ZNF354A: variants seen among roughly 807,000 people sequenced by gnomAD.
The protein encoded by ZNF354A is zinc finger protein 354A, also known as epididymis luminal protein 104.
In ZNF354A, 25 loss-of-function variants were observed where a neutral mutation model predicts 53.3. The ratio of observed to expected loss-of-function variants is 0.47; its 90% CI spans 0.34 to 0.66. The LOEUF (loss-of-function observed/expected upper bound fraction) is 0.66, where lower values mean the gene tolerates loss of function less well. Among genes scored for constraint, ZNF354A ranks in the 30% least tolerant of loss-of-function variants. The probability of loss-of-function intolerance (pLI) is 0.01; values close to 1 mark genes in which losing one functional copy is unlikely to be tolerated. For synonymous variants in ZNF354A, 228 were observed against 249.0 expected, an observed-to-expected ratio of 0.92 and a Z score of 0.79; for missense variants, 586 against 716.8, an observed-to-expected ratio of 0.82 and a Z score of 2.08.
intron 4 of ZNF354A, among the ~76,000 whole-genome samples, chr5:178,723,003 T>C (rs536556902): frequency 6.6e-6 from 1 of 152,266 alleles, no homozygotes; most frequent in African/African-American, 2.4e-5. Context: ...GGGGGCCTGC[T>C]TGGCGCCCCC....
chr5:178,715,350 CTCT>C (rs1765692312), intron 4 of ZNF354A, among the ~76,000 whole-genome samples: 1 of 152,096 alleles, frequency 6.6e-6, no homozygotes. Flanking sequence ...TCATGGATAA[CTCT>C]TCTTCCATTC....
chr5:178,712,626 C>T lies in ZNF354A; in HGVS notation c.1252G>A (p.Gly418Ser). The change falls in exon 5 of 5, where the codon GGC becomes AGC. Residue 418 changes from glycine to serine, a missense_variant. By Grantham distance (56) the Gly-to-Ser change is moderately conservative. Transcript: ENST00000335815. ...KPYRCNECGK[G>S]FTSISRLNRH... Reference sequence around the variant, plus strand: ...TTAAGTCGTGAAATAGAAGTAAAGCCTTTCCCACATTCATTGCATCTATAG... The same window carrying T: ...TTAAGTCGTGAAATAGAAGTAAAGCTTTTCCCACATTCATTGCATCTATAG... 1 of 1,614,136 alleles carries T rather than the reference C, an allele frequency of 6.2e-7. No individual in the cohort carries two copies. The highest frequency in any genetic ancestry group is 2.2e-5 in the East Asian group (1 of 44,874).
intron 4 of ZNF354A, among the ~76,000 whole-genome samples, chr5:178,722,635 C>T (rs908641529): frequency 6.6e-6 from 1 of 152,226 alleles, no homozygotes; most frequent in Non-Finnish European, 1.5e-5. Context: ...ACACCACTAA[C>T]CTAGTCCAAG....
intron 3 of ZNF354A, 57 bp from the exon 4 acceptor site, chr5:178,725,528 C>T (rs1210777787): frequency 1.9e-6 from 3 of 1,538,756 alleles, no homozygotes; most frequent in African/African-American, 1.4e-5. Flanking sequence ...TGTATTGATA[C>T]AGTTATCCCA....
Position 178,712,192 on chromosome 5 carries a change from G to A in ZNF354A, c.1686C>T (p.Ser562=), listed in dbSNP as rs779004249. 5.6e-6 allele frequency: 9 copies of A among 1,614,046 alleles called. No homozygotes were observed. The highest frequency in any genetic ancestry group is 7.6e-6 in the Non-Finnish European group (9 of 1,179,994). The change falls in exon 5 of 5, where the codon AGC becomes AGT. Residue 562 remains serine (S), a synonymous_variant. Transcript: ENST00000335815. ...TTCTCTGATGTGCAATACGTGATGA[G>A]CTTTGTCTAAAAGTTTTTCCACATG... ...CNTCGKTFRQ[S]SSRIAHQRIH... is the part of the protein sequence containing the mutation.
chr5:178,712,615 A>G lies in ZNF354A; in HGVS notation c.1263T>C (p.Ser421=). Residue 421 remains serine (S), a synonymous_variant, in exon 5 of 5, where the codon TCT becomes TCC. Transcript: ENST00000335815. ...TTCGGTGTCTATTAAGTCGTGAAAT[A>G]GAAGTAAAGCCTTTCCCACATTCAT... ...RCNECGKGFT[S]ISRLNRHRII... The G allele has an allele frequency of 6.2e-7, 1 of 1,614,184 alleles. No individual in the cohort carries two copies. The highest frequency in any genetic ancestry group is 2.2e-5 in the East Asian group (1 of 44,876).
In ZNF354A at chr5:178,722,043, A is replaced by G. The variant is rs144535557; in HGVS notation, c.256+3333T>C. On this transcript the variant is annotated intron_variant, in intron 4 of 4. Coordinates refer to ENST00000335815, the MANE Select transcript of ZNF354A (RefSeq NM_005649.3). ...CCCCATCTACTGCTACCATTCCATCATGAGCCTTGCCTCCAATGTCACCTG... is the reference window on the plus strand; with the variant it reads ...CCCCATCTACTGCTACCATTCCATCGTGAGCCTTGCCTCCAATGTCACCTG... Among the ~76,000 whole-genome samples, 39 of 152,248 alleles carry G rather than the reference A, an allele frequency of 2.6e-4. No homozygotes were observed. In the East Asian group the frequency reaches 7.5e-3, roughly 29 times the overall value.
chr5:178,715,900 GTTT>G lies in ZNF354A; in HGVS notation c.257-2282_257-2280del, dbSNP rs11287612. 1.7e-4 allele frequency among the ~76,000 whole-genome samples: 24 copies of G among 143,838 alleles called. 1 individual carries two copies. The South Asian group carries it at 3.6e-3, about 21-fold the overall frequency. The allele number at this position is 143,838 out of a possible 152,430, so 94.4% of individuals were successfully genotyped here. Reference sequence around the variant, plus strand: ...CACTGCAGCCAGAATAATCTCTGTGGTTTTTTTTTTTTTTGAGATGGAGTCTCA... The same window carrying G: ...CACTGCAGCCAGAATAATCTCTGTGGTTTTTTTTTTTGAGATGGAGTCTCA... On this transcript the variant is annotated intron_variant, in intron 4 of 4. Transcript: ENST00000335815.
intron 4 of ZNF354A, among the ~76,000 whole-genome samples, chr5:178,717,149 CT>C (rs1294356250): frequency 6.6e-6 from 1 of 151,034 alleles, no homozygotes; most frequent in South Asian, 2.1e-4. Flanking sequence ...GGGACAAATC[CT>C]CTAAGGCCCA....
intron 3 of ZNF354A, among the ~76,000 whole-genome samples, 188 bp downstream of exon 3, chr5:178,726,811 C>T (rs1765917429): frequency 1.3e-5 from 2 of 152,278 alleles, no homozygotes; most frequent in South Asian, 4.1e-4. Flanking sequence ...CTTCCATTCC[C>T]AGACACAGGG....
intron 2 of ZNF354A, among the ~76,000 whole-genome samples, chr5:178,727,949 C>T (rs146841648): frequency 6.6e-6 from 1 of 152,246 alleles, no homozygotes; most frequent in East Asian, 1.9e-4. Flanking sequence ...CTTCCGGGTT[C>T]CAATGATTCT....
chr5:178,725,740 T>C (rs1407928653), intron 3 of ZNF354A, among the ~76,000 whole-genome samples: 2 of 152,310 alleles, frequency 1.3e-5, no homozygotes, highest in South Asian at 2.1e-4. Flanking sequence ...TAGCTTTCTA[T>C]AGAAGAGGAA....
At position 178,729,298 on chromosome 5, in the gene ZNF354A, C is replaced by A. The variant is rs369374616; in HGVS notation, c.-51-225G>T. The A allele has an allele frequency of 6.1e-5, 35 of 570,388 alleles. No individual in the cohort carries two copies. The East Asian group carries it at 1.0e-3, about 17-fold the overall frequency. 35.3% of individuals were successfully genotyped at this position (570,388 alleles called of 1,614,324 possible). ...GACGCTGGAGCCGCAGTGGCAGCAG[C>A]GACCCGCTGAGCCCACCAGGGCCAG... On this transcript the variant is annotated intron_variant, in intron 1 of 4. Transcript: ENST00000335815.
In ZNF354A at chr5:178,712,362, T is replaced by TAC; in HGVS notation, c.1514_1515dup (p.Asn506ValfsTer104). 1.9e-6 allele frequency: 3 copies of TAC among 1,613,910 alleles called. No individual in the cohort carries two copies. The highest frequency in any genetic ancestry group is 2.5e-6 in the Non-Finnish European group (3 of 1,179,766). On this transcript the variant is annotated frameshift_variant, in exon 5 of 5. Coordinates refer to ENST00000335815, the MANE Select transcript of ZNF354A (RefSeq NM_005649.3). LOFTEE classifies it high-confidence loss of function. ...CTCTGGTGATTACTAAGTGATGAGT[T>TAC]ACACCTGAATGTTTTCCCACACTCG... is the stretch of plus-strand genomic sequence containing the variant.
At chr5:178,729,942 C>A (rs1041396069) in intron 1 of ZNF354A, among the ~76,000 whole-genome samples, 1 of 150,212 alleles carries the variant, frequency 6.7e-6, no homozygotes, top group African/African-American at 2.4e-5. Context: ...CGGCTCACTG[C>A]AAGCTCCGCC....
chr5:178,719,255 A>G (rs1765765012), intron 4 of ZNF354A, among the ~76,000 whole-genome samples: 2 of 152,242 alleles, frequency 1.3e-5, no homozygotes, highest in Non-Finnish European at 2.9e-5. Flanking sequence ...CGGATCCAGT[A>G]ATTAAAAGGA....
intron 4 of ZNF354A, among the ~76,000 whole-genome samples, chr5:178,720,546 G>A (rs981923950): frequency 2.6e-5 from 4 of 152,178 alleles, no homozygotes; most frequent in African/African-American, 9.6e-5. Context: ...CTCCAAGTTG[G>A]CCATCGCTAC....
chr5:178,721,751 A>T (rs62392840), intron 4 of ZNF354A, among the ~76,000 whole-genome samples: 19,927 of 152,082 alleles, frequency 0.13, 1,551 homozygotes, highest in Middle Eastern at 0.18. Context: ...TCCTCTAAGC[A>T]AGATATCTCC....
At position 178,713,624 on chromosome 5, in the gene ZNF354A, G is replaced by C. The variant is rs766567281; in HGVS notation, c.257-3C>G. ...GGTTTTATGACTGCTCTTCGATCCT[G>C]GAGGGAAAAAAAAAATCAAAAATGT... On this transcript the variant is annotated splice_region_variant and splice_polypyrimidine_tract_variant and intron_variant, in intron 4 of 4. Coordinates refer to ENST00000335815, the MANE Select transcript of ZNF354A (RefSeq NM_005649.3). 12 of 1,535,676 alleles carry C rather than the reference G, an allele frequency of 7.8e-6. No homozygotes were observed. The highest frequency in any genetic ancestry group is 8.7e-7 in the Non-Finnish European group (1 of 1,152,384).
Sources: allele counts gnomAD v4.1 joint callset (sites outside exome capture counted in the v4.1 genomes callset), GRCh38; gene constraint gnomAD v4.1.1; transcripts MANE v1.5; gene names NCBI Gene and HGNC (gene_info 2026-07-23, HGNC 2026-07-21).